Variants in WSCD2 observed in about 807,000 individuals in gnomAD.
The protein encoded by WSCD2 is WSC domain sialate O sulfotransferase 2, also known as sialate:O-sulfotransferase 2.
Under a neutral mutation model 55.7 loss-of-function variants are expected in WSCD2, and 28 were observed. The observed-to-expected ratio is 0.50, with a 90% CI of 0.37 to 0.69. The LOEUF is 0.69. WSCD2 is among the 30% of genes least tolerant of loss of function. The probability of loss-of-function intolerance (pLI) is 0.00; values close to 1 mark genes in which losing one functional copy is unlikely to be tolerated. For missense variants in WSCD2, 616 were observed against 762.1 expected (o/e 0.81, Z 2.26); for synonymous variants, 301 against 301.9 (o/e 1.00, Z 0.03).
At chr12:108,217,349 C>G (rs1341894341) in intron 4 of WSCD2, among the ~76,000 whole-genome samples, 2 of 152,210 alleles carry the variant, frequency 1.3e-5, no homozygotes, top group African/African-American at 4.8e-5. Flanking sequence ...AGCCACTTCC[C>G]TTTCATTTTC....
chr12:108,186,438 AATGAC>A (rs1409034873), intron 1 of WSCD2, among the ~76,000 whole-genome samples: 1 of 152,168 alleles, frequency 6.6e-6, no homozygotes, highest in Non-Finnish European at 1.5e-5. Flanking sequence ...ACAAATGTAT[AATGAC>A]ATGTGTCCAC....
At chr12:108,224,687 C>T (rs745986748) in intron 4 of WSCD2, 52 bp from the exon 5 acceptor site, 1 of 1,574,868 alleles carries the variant, frequency 6.3e-7, no homozygotes, top group Non-Finnish European at 8.6e-7. Flanking sequence ...TTTTCCCAAC[C>T]AGATCTGACT....
chr12:108,135,605 A>G (rs1321183319), intron 1 of WSCD2, among the ~76,000 whole-genome samples: 1 of 152,176 alleles, frequency 6.6e-6, no homozygotes, highest in East Asian at 1.9e-4. Flanking sequence ...GGGCCTCCAG[A>G]TCCCAGATAG....
chr12:108,145,229 A>G (rs1256133506), intron 1 of WSCD2, among the ~76,000 whole-genome samples: 1 of 152,084 alleles, frequency 6.6e-6, no homozygotes, highest in African/African-American at 2.4e-5. Flanking sequence ...TCTTCACCTA[A>G]TTAACTGCAG....
intron 8 of WSCD2, among the ~76,000 whole-genome samples, chr12:108,242,496 C>G (rs185797561): frequency 6.6e-6 from 1 of 152,270 alleles, no homozygotes; most frequent in East Asian, 1.9e-4. Context: ...AGATCAGTGA[C>G]CTCGGTGGGC....
chr12:108,145,250 A>G (rs1877262731), intron 1 of WSCD2, among the ~76,000 whole-genome samples: 1 of 152,006 alleles, frequency 6.6e-6, no homozygotes. Flanking sequence ...CTCCTCCTTC[A>G]GGTCTTGGGT....
intron 1 of WSCD2, among the ~76,000 whole-genome samples, chr12:108,189,943 G>C (rs1214315464): frequency 2.0e-5 from 3 of 152,146 alleles, no homozygotes; most frequent in Admixed American, 2.0e-4. Flanking sequence ...AAGGGGCACT[G>C]AACAGGCAAA....
intron 6 of WSCD2, among the ~76,000 whole-genome samples, chr12:108,232,295 G>A (rs1426312975): frequency 2.0e-5 from 3 of 152,136 alleles, no homozygotes; most frequent in Non-Finnish European, 4.4e-5. Flanking sequence ...TGATTCTCTG[G>A]CTTTTCAGAG....
In WSCD2 at chr12:108,164,138, C is replaced by CTTTTTTTTTTTTTTTTTTTTTTTT; in HGVS notation, c.-551-31144_-551-31143insTTTTTTTTTTTTTTTTTTTTTTTT. On this transcript the variant is annotated intron_variant, in intron 1 of 8. Coordinates refer to ENST00000547525, the MANE Select transcript of WSCD2 (RefSeq NM_014653.4). ...TTTATACTGTTGTTTAATCTTAAAT[C>CTTTTTTTTTTTTTTTTTTTTTTTT]CTTTTTTTTTTTTTTTTTTTTTTTC... Among the ~76,000 whole-genome samples, 148 of 71,740 alleles carry CTTTTTTTTTTTTTTTTTTTTTTTT rather than the reference C, an allele frequency of 2.1e-3. 64 individuals carry two copies. The highest frequency in any genetic ancestry group is 4.3e-3 in the East Asian group (9 of 2,114). The allele number at this position is 71,740 out of a possible 152,430, so 47.1% of individuals were successfully genotyped here. A position where few individuals can be genotyped will look rare whatever the true frequency, so the allele number is the denominator to read the frequency against.
chr12:108,209,027 G>A (rs543754956), intron 3 of WSCD2, among the ~76,000 whole-genome samples: 1 of 152,274 alleles, frequency 6.6e-6, no homozygotes, highest in African/African-American at 2.4e-5. Flanking sequence ...TCTTTTATGG[G>A]TTTTCCTGAA....
chr12:108,172,786 C>T, intron 1 of WSCD2, among the ~76,000 whole-genome samples: 1 of 152,210 alleles, frequency 6.6e-6, no homozygotes, highest in South Asian at 2.1e-4. Flanking sequence ...AGAGAGTAAA[C>T]TTTTGTTGTT....
At chr12:108,140,096 G>T (rs1876631426) in intron 1 of WSCD2, among the ~76,000 whole-genome samples, 1 of 152,170 alleles carries the variant, frequency 6.6e-6, no homozygotes, top group Admixed American at 6.5e-5. Flanking sequence ...AAGGTACACG[G>T]GGTAGAATGA....
intron 4 of WSCD2, 54 bp from the exon 5 acceptor site, chr12:108,224,685 A>G: frequency 1.3e-6 from 2 of 1,573,982 alleles, no homozygotes; most frequent in South Asian, 1.2e-5. Flanking sequence ...GGTTTTCCCA[A>G]CCAGATCTGA....
intron 7 of WSCD2, among the ~76,000 whole-genome samples, chr12:108,235,332 C>T (rs1467348786): frequency 6.6e-6 from 1 of 152,188 alleles, no homozygotes; most frequent in Non-Finnish European, 1.5e-5. Context: ...GGGGGTTGGT[C>T]TCTGACTACA....
At chr12:108,133,976 C>T (rs191287576) in intron 1 of WSCD2, among the ~76,000 whole-genome samples, 156 of 152,260 alleles carry the variant, frequency 1.0e-3, no homozygotes, top group African/African-American at 3.0e-3. Context: ...AGAAATTGCC[C>T]GAGATTAATG....
intron 6 of WSCD2, among the ~76,000 whole-genome samples, chr12:108,229,548 G>C (rs1232281953): frequency 6.6e-6 from 1 of 152,154 alleles, no homozygotes; most frequent in East Asian, 1.9e-4. Flanking sequence ...TATTAGCCCT[G>C]TTTTATAGGT....
chr12:108,239,146 C>T (rs748976412), intron 7 of WSCD2, among the ~76,000 whole-genome samples: 11 of 152,114 alleles, frequency 7.2e-5, no homozygotes, highest in Non-Finnish European at 1.5e-4. Flanking sequence ...CCCCACAAAC[C>T]TCTCCAGCCC....
At chr12:108,245,626 G>T (rs1890030781) in intron 8 of WSCD2, among the ~76,000 whole-genome samples, 1 of 152,212 alleles carries the variant, frequency 6.6e-6, no homozygotes, top group Middle Eastern at 3.2e-3. Flanking sequence ...TGGGTGCTGG[G>T]TGACAAGCAC....
At chr12:108,163,924 TA>T (rs1183474713) in intron 1 of WSCD2, among the ~76,000 whole-genome samples, 2 of 151,676 alleles carry the variant, frequency 1.3e-5, no homozygotes, top group African/African-American at 4.8e-5. Flanking sequence ...TAAGCATGGA[TA>T]AAAAAAATTA....
Sources: allele counts gnomAD v4.1 joint callset (sites outside exome capture counted in the v4.1 genomes callset), GRCh38; gene constraint gnomAD v4.1.1; transcripts MANE v1.5; gene names NCBI Gene and HGNC (gene_info 2026-07-23, HGNC 2026-07-21).